RALGPS2: variants seen among roughly 807,000 people sequenced by gnomAD.
The protein encoded by RALGPS2 is ras-specific guanine nucleotide-releasing factor RalGPS2.
In RALGPS2, 43 loss-of-function variants were observed where a neutral mutation model predicts 86.8. The ratio of observed to expected loss-of-function variants is 0.50; its 90% CI spans 0.39 to 0.64. The LOEUF is 0.64. Among genes scored for constraint, RALGPS2 ranks in the 30% least tolerant of loss-of-function variants. The pLI, the probability that RALGPS2 is intolerant of heterozygous loss-of-function variation, is 0.00. For missense variants in RALGPS2, 536 were observed against 694.6 expected (o/e 0.77, Z 2.57); for synonymous variants, 243 against 231.3 (o/e 1.05, Z -0.46).
chr1:178,897,075 CCAA>C (rs1296048656), intron 16 of RALGPS2, among the ~76,000 whole-genome samples: 3 of 151,942 alleles, frequency 2.0e-5, no homozygotes, highest in African/African-American at 7.3e-5. Context: ...TACAGTCCCA[CCAA>C]CAAATTTACA....
rs575728652 is a variant in RALGPS2 at position 178,899,654 on chromosome 1, T to G, written c.1524+1898T>G. On this transcript the variant is annotated intron_variant, in intron 17 of 19. Transcript: ENST00000367635. Reference sequence around the variant, plus strand: ...GTTTTGGTTTTGGTTTTGGTTTTGGTTTTTTTTTTTGCCAAAATATTTAAC... The same window carrying G: ...GTTTTGGTTTTGGTTTTGGTTTTGGGTTTTTTTTTTGCCAAAATATTTAAC... Among the ~76,000 whole-genome samples the G allele has an allele frequency of 9.6e-4, 107 of 111,454 alleles. 2 individuals are homozygous for G. The highest frequency in any genetic ancestry group is 1.5e-3 in the South Asian group (6 of 4,008). The allele number at this position is 111,454 out of a possible 152,430, so 73.1% of individuals were successfully genotyped here.
chr1:178,752,673 T>G lies in RALGPS2; in HGVS notation c.-83-24009T>G, dbSNP rs532241300. On this transcript the variant is annotated intron_variant, in intron 1 of 19. Transcript: ENST00000367635. Reference sequence around the variant, plus strand: ...TGAATAAGTATAAATTATTTCAATCTTCTTAGAATCATTAAAGGTCTGAAG... The same window carrying G: ...TGAATAAGTATAAATTATTTCAATCGTCTTAGAATCATTAAAGGTCTGAAG... Among the ~76,000 whole-genome samples, 473 of 152,334 alleles carry G rather than the reference T, an allele frequency of 3.1e-3. 1 individual carries two copies. The highest frequency in any genetic ancestry group is 4.6e-3 in the Non-Finnish European group (314 of 68,026).
rs770309544 is a variant in RALGPS2, at chr1:178,892,252, G to A, written c.1270G>A (p.Gly424Ser). Residue 424 changes from glycine to serine, a missense_variant, in exon 15 of 20, where the codon GGC becomes AGC. Gly to Ser is a moderately conservative substitution (Grantham distance 56, BLOSUM62 0). Around this residue, in one of 3 missense-constraint regions of RALGPS2, gnomAD observed 309 missense variants for 363.0 expected, o/e 0.85. Transcript: ENST00000367635. Reference sequence around the variant, plus strand: ...CAGGAACAGATTATACCATTCTCTCGGCCCGGTGACAAGAGTGGCACGAAA... The same window carrying A: ...CAGGAACAGATTATACCATTCTCTCAGCCCGGTGACAAGAGTGGCACGAAA... ...FERNRLYHSL[G>S]PVTRVARNGY... 39 of 1,612,256 alleles carry A rather than the reference G, an allele frequency of 2.4e-5. No homozygotes were observed. Among genetic ancestry groups the A allele is most frequent in the East Asian group, 2.2e-4 (10 of 44,828 alleles).
At chr1:178,846,305 C>G (rs976154104) in intron 8 of RALGPS2, among the ~76,000 whole-genome samples, 2 of 152,010 alleles carry the variant, frequency 1.3e-5, no homozygotes, top group African/African-American at 4.8e-5. Context: ...ATTTTCCTTT[C>G]TTTAGTTTGA....
At position 178,921,529 on chromosome 1, in the gene RALGPS2, C is replaced by A. The variant is rs1380907484; in HGVS notation, c.*5170C>A. On this transcript the variant is annotated 3_prime_UTR_variant, in exon 20 of 20. Transcript: ENST00000367635. ...ATGTGTGTGGGGAGGGGGTGGGGAA[C>A]TGGTTCACAACATAATCTGAAGGAG... 6.6e-6 allele frequency: 1 copy of A among 151,826 alleles called. No homozygotes were observed. Among genetic ancestry groups the A allele is most frequent in the Non-Finnish European group, 1.5e-5 (1 of 67,852 alleles). The allele number at this position is 151,826 out of a possible 1,614,324, so 9.4% of individuals were successfully genotyped here.
At chr1:178,751,364 A>T (rs1188703626) in intron 1 of RALGPS2, among the ~76,000 whole-genome samples, 1 of 152,150 alleles carries the variant, frequency 6.6e-6, no homozygotes, top group Non-Finnish European at 1.5e-5. Context: ...CTTGGCAGAC[A>T]GAAGTAAATA....
chr1:178,842,748 A>G (rs1408161007), intron 8 of RALGPS2, among the ~76,000 whole-genome samples: 1 of 149,928 alleles, frequency 6.7e-6, no homozygotes, highest in South Asian at 2.1e-4. Context: ...TTTGCAACCT[A>G]CTCATCTGAC....
At position 178,885,152 on chromosome 1, in the gene RALGPS2, G is replaced by T. The variant is rs372147647; in HGVS notation, c.981G>T (p.Pro327=). 1.4e-5 allele frequency: 23 copies of T among 1,613,674 alleles called. No homozygotes were observed. Among genetic ancestry groups the T allele is most frequent in the Admixed American group, 6.7e-5 (4 of 59,904 alleles). The part of the protein sequence containing the change: ...AAEGALLPQT[P]PSPRNLIPHG... ...AAGGAGCCTTGCTCCCACAGACACC[G>T]CCATCCCCTCGGAATCTGATTCCAC... Residue 327 remains proline (P), a synonymous_variant, in exon 12 of 20, where the codon CCG becomes CCT. Coordinates refer to ENST00000367635, the MANE Select transcript of RALGPS2 (RefSeq NM_152663.5).
chr1:178,878,693 C>T (rs1426022618), intron 9 of RALGPS2, among the ~76,000 whole-genome samples: 2 of 151,998 alleles, frequency 1.3e-5, no homozygotes, highest in African/African-American at 2.4e-5. Flanking sequence ...TAAAAAAATA[C>T]AACAATCTAT....
chr1:178,737,445 A>T (rs1650775081), intron 1 of RALGPS2, among the ~76,000 whole-genome samples: 1 of 151,902 alleles, frequency 6.6e-6, no homozygotes, highest in Non-Finnish European at 1.5e-5. Context: ...ACGGGGTTTC[A>T]CCATCTTGGC....
intron 18 of RALGPS2, among the ~76,000 whole-genome samples, chr1:178,903,550 G>A (rs1171121070): frequency 6.6e-6 from 1 of 152,024 alleles, no homozygotes; most frequent in Non-Finnish European, 1.5e-5. Flanking sequence ...TCATTCTTAT[G>A]CTTTTGCATC....
At chr1:178,786,030 T>A (rs936587949) in intron 4 of RALGPS2, among the ~76,000 whole-genome samples, 2 of 152,046 alleles carry the variant, frequency 1.3e-5, no homozygotes, top group African/African-American at 4.8e-5. Flanking sequence ...ACTAAGAAAA[T>A]CATAAGGAAG....
intron 7 of RALGPS2, among the ~76,000 whole-genome samples, chr1:178,823,469 G>A (rs1655606074): frequency 1.3e-5 from 2 of 152,306 alleles, no homozygotes; most frequent in African/African-American, 4.8e-5. Context: ...TAGAAAGGAA[G>A]GCAGGACAGT....
At chr1:178,798,198 A>G (rs910912892) in intron 4 of RALGPS2, among the ~76,000 whole-genome samples, 3 of 152,204 alleles carry the variant, frequency 2.0e-5, no homozygotes, top group Admixed American at 1.3e-4. Context: ...CAAGAGAACT[A>G]TTAAGAAACA....
At chr1:178,725,791 C>G (rs879928992) in intron 1 of RALGPS2, 3 of 152,280 alleles carry the variant, frequency 2.0e-5, no homozygotes, top group Non-Finnish European at 4.4e-5. Context: ...TGGCGCCCAG[C>G]GGCGCCTCAG....
chr1:178,893,025 T>C (rs1255483686), intron 15 of RALGPS2, among the ~76,000 whole-genome samples: 1 of 152,114 alleles, frequency 6.6e-6, no homozygotes. Context: ...TATAGGTTCT[T>C]AAGTCACTCT....
chr1:178,825,247 GT>G (rs1468128397), intron 7 of RALGPS2, among the ~76,000 whole-genome samples: 3 of 152,138 alleles, frequency 2.0e-5, no homozygotes, highest in Non-Finnish European at 2.9e-5. Flanking sequence ...CGAGGCTTTT[GT>G]ACCAGAAGGG....
At chr1:178,823,069 G>A (rs1020088190) in intron 7 of RALGPS2, among the ~76,000 whole-genome samples, 5 of 152,094 alleles carry the variant, frequency 3.3e-5, no homozygotes, top group Non-Finnish European at 7.4e-5. Flanking sequence ...TGATCCTCCC[G>A]CCTTAGCCTC....
In RALGPS2 at chr1:178,878,875, G is replaced by A. The variant is rs570138910; in HGVS notation, c.746-27G>A. On this transcript the variant is annotated intron_variant, in intron 9 of 19. Transcript: ENST00000367635. ...GTTCTGGTTAAGATGTACTTTATCAGATAATTATTTATCACCTTTTGCCTA... is the reference window on the plus strand; with the variant it reads ...GTTCTGGTTAAGATGTACTTTATCAAATAATTATTTATCACCTTTTGCCTA... The A allele has an allele frequency of 5.6e-6, 9 of 1,607,520 alleles. No individual in the cohort carries two copies. The East Asian group carries it at 9.0e-5, about 16-fold the overall frequency.
Sources: allele counts gnomAD v4.1 joint callset (sites outside exome capture counted in the v4.1 genomes callset), GRCh38; gene constraint gnomAD v4.1.1; regional missense constraint gnomAD v4.1.1; transcripts MANE v1.5; gene names NCBI Gene and HGNC (gene_info 2026-07-23, HGNC 2026-07-21).